The following PSD3 variants were observed in gnomAD, a reference collection of about 807,000 sequenced individuals.
The protein encoded by PSD3 is PH and SEC7 domain-containing protein 3.
A neutral mutation model predicts 105.5 loss-of-function variants in PSD3; 49 were observed. That is an observed-to-expected ratio of 0.46 (90% CI 0.37 to 0.59). The LOEUF is 0.59. Ranked by LOEUF, PSD3 falls within the 20% of genes least tolerant of loss-of-function variation. The pLI, the probability that PSD3 is intolerant of heterozygous loss-of-function variation, is 0.00. For synonymous variants in PSD3, 557 were observed against 457.8 expected (o/e 1.22, Z -2.77); for missense variants, 1,561 against 1,263.8 (o/e 1.24, Z -3.57).
At chr8:18,671,242 G>C (rs904100722) in intron 9 of PSD3, among the ~76,000 whole-genome samples, 1 of 152,178 alleles carries the variant, frequency 6.6e-6, no homozygotes, top group Non-Finnish European at 1.5e-5. Context: ...AGGAGCTGGA[G>C]GTTAGGCAGA....
chr8:19,066,134 A>G (rs1312601355), intron 1 of PSD3, among the ~76,000 whole-genome samples: 2 of 152,212 alleles, frequency 1.3e-5, no homozygotes, highest in African/African-American at 4.8e-5. Context: ...TGCTAATAAA[A>G]GCCAACTGGA....
At chr8:18,624,387 A>T (rs773368918) in intron 11 of PSD3, among the ~76,000 whole-genome samples, 35 of 151,812 alleles carry the variant, frequency 2.3e-4, no homozygotes, top group Non-Finnish European at 4.4e-4. Context: ...TGATCATCTC[A>T]GTTTCATTTT....
chr8:18,845,500 A>T (rs529699421), intron 4 of PSD3, among the ~76,000 whole-genome samples: 1 of 152,304 alleles, frequency 6.6e-6, no homozygotes, highest in South Asian at 2.1e-4. Flanking sequence ...GTCCACACTG[A>T]GAGTGCTCTG....
intron 8 of PSD3, chr8:18,774,568 C>T: frequency 3.0e-6 from 1 of 335,610 alleles, no homozygotes; most frequent in Non-Finnish European, 5.7e-6. Flanking sequence ...CCTCTTACTT[C>T]TGTCGTTGGT....
chr8:18,760,369 G>T (rs547674903), intron 9 of PSD3, among the ~76,000 whole-genome samples: 1 of 151,916 alleles, frequency 6.6e-6, no homozygotes, highest in Non-Finnish European at 1.5e-5. Flanking sequence ...TATTTATATA[G>T]TCGAAAGGAA....
rs1466039772 is a variant in PSD3, at chr8:19,013,630, C to G, written c.-47G>C. On this transcript the variant is annotated 5_prime_UTR_variant, in exon 1 of 16. Coordinates refer to ENST00000327040, the MANE Select transcript of PSD3 (RefSeq NM_015310.4). ...CGCGCCGAAACCGCCGCCGGGCGCTCCGGGGCCGCAGCCTCAGGGCGCGAG... is the reference window on the plus strand; with the variant it reads ...CGCGCCGAAACCGCCGCCGGGCGCTGCGGGGCCGCAGCCTCAGGGCGCGAG... 48 of 1,338,034 alleles carry G rather than the reference C, an allele frequency of 3.6e-5. No homozygotes were observed. The highest frequency in any genetic ancestry group is 1.3e-4 in the East Asian group (4 of 30,704). The allele number at this position is 1,338,034 out of a possible 1,614,324, so 82.9% of individuals were successfully genotyped here.
intron 1 of PSD3, among the ~76,000 whole-genome samples, chr8:18,993,273 G>A (rs554226147): frequency 4.6e-5 from 7 of 152,098 alleles, no homozygotes; most frequent in African/African-American, 1.7e-4. Flanking sequence ...CTCTCCTTAG[G>A]TTAAAGATCA....
chr8:18,662,077 T>C (rs1352973158), intron 9 of PSD3, among the ~76,000 whole-genome samples: 10 of 152,222 alleles, frequency 6.6e-5, no homozygotes, highest in Admixed American at 5.2e-4. Flanking sequence ...CTCGGGCAAT[T>C]AGTCTTATGT....
chr8:18,873,845 C>A (rs1817549468), intron 2 of PSD3, among the ~76,000 whole-genome samples: 1 of 152,192 alleles, frequency 6.6e-6, no homozygotes, highest in African/African-American at 2.4e-5. Flanking sequence ...GTAATGGCAT[C>A]TTACGAAGAA....
chr8:18,963,537 T>G (rs1025703341), intron 1 of PSD3, among the ~76,000 whole-genome samples: 1 of 152,156 alleles, frequency 6.6e-6, no homozygotes, highest in African/African-American at 2.4e-5. Flanking sequence ...AATTTTCTTC[T>G]CTCAAACCGA....
intron 1 of PSD3, among the ~76,000 whole-genome samples, chr8:18,959,062 A>C (rs1235186599): frequency 6.6e-6 from 1 of 151,956 alleles, no homozygotes; most frequent in African/African-American, 2.4e-5. Flanking sequence ...CTGGGACTAC[A>C]GGCACACATC....
chr8:18,765,561 A>G lies in PSD3; in HGVS notation c.2083-23T>C, dbSNP rs530436154. On this transcript the variant is annotated intron_variant, in intron 8 of 15. Coordinates refer to ENST00000327040, the MANE Select transcript of PSD3 (RefSeq NM_015310.4). ...ATTCTGAAACAGAGGCAAACAGTAC[A>G]TCACTATGACATTCATGGAATTAAG... 1.5e-5 allele frequency: 23 copies of G among 1,490,954 alleles called. No individual in the cohort carries two copies. In the African/African-American group the frequency reaches 2.2e-4, roughly 14 times the overall value. The allele number at this position is 1,490,954 out of a possible 1,614,324, so 92.4% of individuals were successfully genotyped here.
intron 12 of PSD3, among the ~76,000 whole-genome samples, chr8:18,580,907 C>T (rs1391364619): frequency 6.6e-6 from 1 of 152,178 alleles, no homozygotes; most frequent in East Asian, 1.9e-4. Context: ...ACCCGTCGCT[C>T]TTAACCATTC....
chr8:18,614,146 C>G (rs1447146499), intron 11 of PSD3, among the ~76,000 whole-genome samples: 2 of 152,210 alleles, frequency 1.3e-5, no homozygotes, highest in Non-Finnish European at 2.9e-5. Flanking sequence ...TCTAATCACT[C>G]TCTGCAACAT....
intron 1 of PSD3, among the ~76,000 whole-genome samples, chr8:18,980,346 G>A (rs1337133141): frequency 6.6e-6 from 1 of 152,180 alleles, no homozygotes; most frequent in Non-Finnish European, 1.5e-5. Context: ...GACAGGGAAG[G>A]AGATGGAGGT....
intron 14 of PSD3, among the ~76,000 whole-genome samples, chr8:18,566,393 G>T (rs911922216): frequency 6.6e-6 from 1 of 151,944 alleles, no homozygotes; most frequent in Non-Finnish European, 1.5e-5. Context: ...GGGTATGGTG[G>T]CGGGCGCCTG....
chr8:18,848,356 T>TG (rs1290105656), intron 4 of PSD3, among the ~76,000 whole-genome samples: 1 of 152,180 alleles, frequency 6.6e-6, no homozygotes. Context: ...ACCCCACCCT[T>TG]GGCCTGCAAC....
intron 1 of PSD3, among the ~76,000 whole-genome samples, chr8:18,954,148 C>T (rs561563115): frequency 5.3e-4 from 81 of 151,990 alleles, no homozygotes; most frequent in African/African-American, 1.9e-3. Flanking sequence ...TATCTTAAGT[C>T]GAACCATCTT....
intron 11 of PSD3, among the ~76,000 whole-genome samples, chr8:18,626,750 A>G (rs1189715979): frequency 1.3e-5 from 2 of 152,154 alleles, no homozygotes; most frequent in Admixed American, 6.6e-5. Context: ...AGCAGCAGCC[A>G]AATAGTTAGA....
Sources: gnomAD v4.1 joint callset for allele counts (sites outside exome capture counted in the v4.1 genomes callset) on GRCh38, gnomAD v4.1.1 for gene constraint, MANE v1.5 for transcripts, NCBI Gene and HGNC (gene_info 2026-07-23, HGNC 2026-07-21) for gene names.